Variants in CPA6 observed in about 807,000 individuals in gnomAD.
The protein encoded by CPA6 is carboxypeptidase B.
CPA6 carries 58 observed loss-of-function variants against 63.3 expected under a neutral mutation model. The observed-to-expected ratio is 0.92, with a 90% CI of 0.74 to 1.14. CPA6 has a LOEUF of 1.14. Ranked by LOEUF, CPA6 falls within the 50% of genes most tolerant of loss-of-function variation. The pLI is 0.00. For synonymous variants in CPA6, 185 were observed against 179.0 expected (o/e 1.03, Z -0.27); for missense variants, 565 against 526.6 (o/e 1.07, Z -0.71).
At chr8:67,668,833 T>A (rs1395463099) in intron 1 of CPA6, among the ~76,000 whole-genome samples, 1 of 152,194 alleles carries the variant, frequency 6.6e-6, no homozygotes, top group African/African-American at 2.4e-5. Context: ...ATATTACAAA[T>A]GTACATGGAG....
chr8:67,659,360 A>G (rs1425771006), intron 1 of CPA6, among the ~76,000 whole-genome samples: 2 of 152,264 alleles, frequency 1.3e-5, no homozygotes, highest in Non-Finnish European at 2.9e-5. Context: ...GAGACAAGGC[A>G]ATGCTATATA....
rs758812777 is a variant in CPA6, at chr8:67,428,014, A to G, written c.1126+33T>C. On this transcript the variant is annotated intron_variant, in intron 10 of 10. Coordinates refer to ENST00000297770, the MANE Select transcript of CPA6 (RefSeq NM_020361.5). ...GATACAGGATATTGGTTCAAGAGAG[A>G]GGATTCTAACACAATGTACGCAGGA... 1.2e-5 allele frequency: 17 copies of G among 1,390,386 alleles called. No individual in the cohort carries two copies. In the South Asian group the frequency reaches 1.9e-4, roughly 15 times the overall value. The allele number at this position is 1,390,386 out of a possible 1,614,324, so 86.1% of individuals were successfully genotyped here.
chr8:67,723,917 A>C (rs528380230), intron 1 of CPA6, among the ~76,000 whole-genome samples: 8 of 152,224 alleles, frequency 5.3e-5, no homozygotes, highest in Non-Finnish European at 1.2e-4. Context: ...TTTGAATTAT[A>C]ACCATTAAGA....
intron 1 of CPA6, among the ~76,000 whole-genome samples, chr8:67,629,342 A>T (rs1042303295): frequency 6.6e-6 from 1 of 151,610 alleles, no homozygotes; most frequent in Non-Finnish European, 1.5e-5. Flanking sequence ...ATAGCTGGGC[A>T]TCATGGCACA....
intron 1 of CPA6, among the ~76,000 whole-genome samples, chr8:67,640,168 G>A (rs1815557560): frequency 6.6e-6 from 1 of 151,488 alleles, no homozygotes; most frequent in Non-Finnish European, 1.5e-5. Context: ...GGGACTGGGA[G>A]CCTGGCCCCC....
chr8:67,642,595 T>C (rs1159559065), intron 1 of CPA6, among the ~76,000 whole-genome samples: 2 of 152,098 alleles, frequency 1.3e-5, no homozygotes, highest in Non-Finnish European at 2.9e-5. Flanking sequence ...AGACTTAGTA[T>C]GAAGTTATAG....
chr8:67,689,264 ACTT>A (rs199695151), intron 1 of CPA6, among the ~76,000 whole-genome samples: 70,477 of 151,374 alleles, frequency 0.47, 19,473 homozygotes, highest in African/African-American at 0.79. Context: ...TCAGATATAA[ACTT>A]CTTCTTCAAA....
intron 2 of CPA6, among the ~76,000 whole-genome samples, chr8:67,589,843 C>T (rs1814059392): frequency 4.0e-5 from 6 of 151,754 alleles, no homozygotes; most frequent in South Asian, 2.1e-4. Context: ...ATAGCAATTG[C>T]TTTTTTGTGT....
chr8:67,585,617 A>G (rs548527335), intron 2 of CPA6, among the ~76,000 whole-genome samples: 1 of 152,258 alleles, frequency 6.6e-6, no homozygotes, highest in East Asian at 1.9e-4. Context: ...CCCCAAAATA[A>G]TTTTAGGGTC....
chr8:67,591,659 G>A (rs1814128849), intron 2 of CPA6, among the ~76,000 whole-genome samples: 1 of 152,104 alleles, frequency 6.6e-6, no homozygotes, highest in Non-Finnish European at 1.5e-5. Context: ...TTGTGAATGG[G>A]AATTCACTCA....
intron 6 of CPA6, among the ~76,000 whole-genome samples, chr8:67,501,097 C>T (rs537656453): frequency 6.6e-6 from 1 of 152,110 alleles, no homozygotes; most frequent in African/African-American, 2.4e-5. Flanking sequence ...TCTATGGCTA[C>T]AAAAAAGTCT....
intron 10 of CPA6, among the ~76,000 whole-genome samples, chr8:67,426,663 T>C (rs544862963): frequency 1.4e-3 from 211 of 152,348 alleles, no homozygotes; most frequent in African/African-American, 4.8e-3. Context: ...CAATGATAGG[T>C]AGATTAAAGA....
chr8:67,493,137 C>T (rs1000265289), intron 6 of CPA6, among the ~76,000 whole-genome samples: 1 of 152,174 alleles, frequency 6.6e-6, no homozygotes, highest in African/African-American at 2.4e-5. Flanking sequence ...TCATTAGATA[C>T]TTGATCTGGG....
At chr8:67,597,393 A>G (rs1165395716) in intron 2 of CPA6, among the ~76,000 whole-genome samples, 1 of 151,962 alleles carries the variant, frequency 6.6e-6, no homozygotes, top group African/African-American at 2.4e-5. Context: ...ATGGGGTTTC[A>G]CCATGTTGAC....
At chr8:67,633,730 G>A (rs1456037758) in intron 1 of CPA6, among the ~76,000 whole-genome samples, 1 of 150,926 alleles carries the variant, frequency 6.6e-6, no homozygotes, top group Admixed American at 6.6e-5. Flanking sequence ...TTCTTATCTA[G>A]TGGTTTGCAA....
chr8:67,720,310 G>T (rs1021009985), intron 1 of CPA6, among the ~76,000 whole-genome samples: 1 of 152,124 alleles, frequency 6.6e-6, no homozygotes, highest in Non-Finnish European at 1.5e-5. Flanking sequence ...GTGGGGCAGG[G>T]CATATTCACT....
rs548673980 is a variant in CPA6, at chr8:67,551,058, A to ATT, written c.193-33013_193-33012dup. Among the ~76,000 whole-genome samples, 351 of 151,798 alleles carry ATT rather than the reference A, an allele frequency of 2.3e-3. 1 individual carries two copies. Among genetic ancestry groups the ATT allele is most frequent in the African/African-American group, 8.0e-3 (333 of 41,408 alleles). On this transcript the variant is annotated intron_variant, in intron 2 of 10. Transcript: ENST00000297770. ...ATTTAGGTTCCACTTGTCAATTTTT[A>ATT]TTTTTGTTGCAATTGCTTTTGAGGG...
intron 2 of CPA6, among the ~76,000 whole-genome samples, chr8:67,563,918 C>T (rs1428720252): frequency 1.3e-5 from 2 of 152,144 alleles, no homozygotes. Context: ...CAAGTCTATT[C>T]CATATTTTGG....
At chr8:67,522,157 A>T (rs1812270663) in intron 2 of CPA6, among the ~76,000 whole-genome samples, 1 of 152,108 alleles carries the variant, frequency 6.6e-6, no homozygotes, top group South Asian at 2.1e-4. Flanking sequence ...TAGCTAATTA[A>T]ATTAAATGGT....
Sources: allele counts gnomAD v4.1 joint callset (sites outside exome capture counted in the v4.1 genomes callset), GRCh38; gene constraint gnomAD v4.1.1; transcripts MANE v1.5; gene names NCBI Gene and HGNC (gene_info 2026-07-23, HGNC 2026-07-21).